CUEDC1: variants seen among roughly 807,000 people sequenced by gnomAD.
CUEDC1 encodes CUE domain-containing protein 1.
Under a neutral mutation model 43.7 loss-of-function variants are expected in CUEDC1, and 30 were observed. The ratio of observed to expected loss-of-function variants is 0.69; its 90% CI spans 0.51 to 0.93. The LOEUF is 0.93. Ranked by LOEUF, CUEDC1 falls within the 40% of genes least tolerant of loss-of-function variation. The pLI is 0.00. For missense variants in CUEDC1, 486 were observed against 549.0 expected, an observed-to-expected ratio of 0.89 and a Z score of 1.15; for synonymous variants, 223 against 223.6, an observed-to-expected ratio of 1.00 and a Z score of 0.02.
At chr17:57,871,190 T>C (rs1462070609) in intron 6 of CUEDC1, 96 bp downstream of exon 6, 3 of 1,023,930 alleles carry the variant, frequency 2.9e-6, no homozygotes, top group African/African-American at 3.2e-5. Flanking sequence ...CAATCTGTTT[T>C]TTCACCCTCC....
intron 1 of CUEDC1, among the ~76,000 whole-genome samples, chr17:57,935,690 C>CG (rs986241393): frequency 6.6e-6 from 1 of 152,152 alleles, no homozygotes; most frequent in Non-Finnish European, 1.5e-5. Context: ...GTGTTTACCC[C>CG]GGGTGCAGCC....
chr17:57,886,888 G>A lies in CUEDC1; in HGVS notation c.-315-1009C>T, dbSNP rs188166686. On this transcript the variant is annotated intron_variant, in intron 1 of 10. Transcript: ENST00000577830. ...GGCTGGAGTGCAGCGGCACGATCTC[G>A]GTTCACTGCAAACTCCGCTTCCCGG... is the stretch of plus-strand genomic sequence containing the variant. Among the ~76,000 whole-genome samples the A allele has an allele frequency of 4.5e-4, 65 of 143,730 alleles. No homozygotes were observed. The East Asian group carries it at 9.9e-3, about 22-fold the overall frequency. The allele number at this position is 143,730 out of a possible 152,430, so 94.3% of individuals were successfully genotyped here. A position where few individuals can be genotyped will look rare whatever the true frequency, so the allele number is the denominator to read the frequency against.
intron 1 of CUEDC1, among the ~76,000 whole-genome samples, chr17:57,933,331 C>T (rs368765812): frequency 0.038 from 5,803 of 151,936 alleles, 146 homozygotes; most frequent in South Asian, 0.079. Flanking sequence ...TTGGTCGGTT[C>T]CTCCATTAGA....
At chr17:57,901,536 C>G (rs2074472206) in intron 1 of CUEDC1, among the ~76,000 whole-genome samples, 1 of 152,214 alleles carries the variant, frequency 6.6e-6, no homozygotes, top group South Asian at 2.1e-4. Flanking sequence ...ACTCTGTAAA[C>G]ACTGAGTCTG....
chr17:57,917,721 T>C (rs534379057), intron 1 of CUEDC1, among the ~76,000 whole-genome samples: 129 of 152,300 alleles, frequency 8.5e-4, no homozygotes, highest in African/African-American at 2.9e-3. Context: ...TCTGCCCAAC[T>C]TCAGAGCCTG....
chr17:57,879,599 A>C lies in CUEDC1; in HGVS notation c.464+12T>G, dbSNP rs752914762. On this transcript the variant is annotated intron_variant, in intron 3 of 10. Coordinates refer to ENST00000577830, the MANE Select transcript of CUEDC1 (RefSeq NM_001271875.2). ...CTGCCACCCTGTGCTCTGAGACATG[A>C]CAGATTCTCACCGGGGAGGCGGAGT... 24 of 1,585,418 alleles carry C rather than the reference A, an allele frequency of 1.5e-5. No homozygotes were observed. Among genetic ancestry groups the C allele is most frequent in the Non-Finnish European group, 2.0e-5 (23 of 1,170,838 alleles).
intron 1 of CUEDC1, among the ~76,000 whole-genome samples, chr17:57,935,969 G>A (rs763203767): frequency 1.8e-4 from 27 of 152,156 alleles, no homozygotes; most frequent in African/African-American, 5.6e-4. Context: ...ACCCACCTCC[G>A]CTGTTGCTGT....
chr17:57,897,927 C>T (rs2074430726), intron 1 of CUEDC1, among the ~76,000 whole-genome samples: 1 of 152,150 alleles, frequency 6.6e-6, no homozygotes, highest in East Asian at 1.9e-4. Flanking sequence ...GCAGGAGAAT[C>T]GCTTGAAACC....
intron 1 of CUEDC1, among the ~76,000 whole-genome samples, chr17:57,892,220 T>C (rs1342492833): frequency 6.6e-6 from 1 of 152,194 alleles, no homozygotes; most frequent in African/African-American, 2.4e-5. Context: ...CGTTATTATC[T>C]CACTTCACAG....
At chr17:57,891,288 A>G (rs1238674347) in intron 1 of CUEDC1, among the ~76,000 whole-genome samples, 1 of 152,202 alleles carries the variant, frequency 6.6e-6, no homozygotes, top group Non-Finnish European at 1.5e-5. Context: ...CATCTTTGTT[A>G]ATGGCAACTC....
chr17:57,907,567 C>T (rs2074541561), intron 1 of CUEDC1, among the ~76,000 whole-genome samples: 1 of 152,096 alleles, frequency 6.6e-6, no homozygotes, highest in South Asian at 2.1e-4. Flanking sequence ...CATACTGGGC[C>T]AGGCGCAGTG....
Position 57,871,331 on chromosome 17 carries a change from T to C in CUEDC1, c.823A>G (p.Ser275Gly), listed in dbSNP as rs1201471251. 1 of 1,614,114 alleles carries C rather than the reference T, an allele frequency of 6.2e-7. No individual in the cohort carries two copies. Among genetic ancestry groups the C allele is most frequent in the Non-Finnish European group, 8.5e-7 (1 of 1,180,004 alleles). Residue 275 changes from serine to glycine, a missense_variant, in exon 6 of 11, where the codon AGC becomes GGC. Physicochemically the swap from Ser to Gly is moderately conservative, Grantham distance 56 (BLOSUM62 0). Transcript: ENST00000577830. ...CCAAAGTCGTTTCCGACAGCCACGC[T>C]GCTGGATTTAGATTTCTGGGATTCG... ...KYESQKSKSS[S>G]VAVGNDFGFS...
chr17:57,865,886 G>T (rs570331273), intron 10 of CUEDC1, among the ~76,000 whole-genome samples: 4 of 150,524 alleles, frequency 2.7e-5, no homozygotes, highest in Admixed American at 2.7e-4. Context: ...GCAATGGCGC[G>T]ATCTCAGCTC....
chr17:57,928,457 G>A (rs563971831), intron 1 of CUEDC1, among the ~76,000 whole-genome samples: 2 of 150,468 alleles, frequency 1.3e-5, no homozygotes, highest in African/African-American at 2.5e-5. Context: ...GCTGAGGCAG[G>A]AGAATGGCGT....
intron 1 of CUEDC1, among the ~76,000 whole-genome samples, chr17:57,924,242 A>T (rs1180387087): frequency 6.6e-6 from 1 of 152,164 alleles, no homozygotes; most frequent in East Asian, 1.9e-4. Context: ...AGTAGCTGGG[A>T]CTACGGGCGG....
At chr17:57,915,336 C>T (rs545836818) in intron 1 of CUEDC1, among the ~76,000 whole-genome samples, 48 of 151,946 alleles carry the variant, frequency 3.2e-4, no homozygotes, top group African/African-American at 8.5e-4. Context: ...ACCACAGGCA[C>T]GCTCAGAGGT....
chr17:57,896,338 C>T (rs1047073811), intron 1 of CUEDC1, among the ~76,000 whole-genome samples: 1 of 152,114 alleles, frequency 6.6e-6, no homozygotes, highest in Non-Finnish European at 1.5e-5. Context: ...AAATATGATA[C>T]ATTATCAGCA....
At chr17:57,927,966 G>A (rs1209110687) in intron 1 of CUEDC1, among the ~76,000 whole-genome samples, 1 of 152,190 alleles carries the variant, frequency 6.6e-6, no homozygotes, top group Non-Finnish European at 1.5e-5. Context: ...AGTAGCAGAG[G>A]AAGGATTCAA....
chr17:57,893,696 T>C (rs2074380218), intron 1 of CUEDC1, among the ~76,000 whole-genome samples: 1 of 152,058 alleles, frequency 6.6e-6, no homozygotes, highest in African/African-American at 2.4e-5. Flanking sequence ...CACTGGACCT[T>C]AGGGGAGGAG....
Sources: allele counts gnomAD v4.1 joint callset (sites outside exome capture counted in the v4.1 genomes callset), GRCh38; gene constraint gnomAD v4.1.1; transcripts MANE v1.5; gene names NCBI Gene and HGNC (gene_info 2026-07-23, HGNC 2026-07-21).